The following TENM4 variants were observed in gnomAD, a reference collection of about 807,000 sequenced individuals.
TENM4 encodes teneurin-4.
In TENM4, 82 loss-of-function variants were observed where a neutral mutation model predicts 243.3. The observed-to-expected ratio is 0.34, with a 90% CI of 0.28 to 0.40. The LOEUF is 0.40. Among genes scored for constraint, TENM4 ranks in the 10% least tolerant of loss-of-function variants. The probability of loss-of-function intolerance (pLI) is 1.00; values close to 1 mark genes in which losing one functional copy is unlikely to be tolerated. For missense variants in TENM4, 3,138 were observed against 3,673.3 expected, an observed-to-expected ratio of 0.85 and a Z score of 3.77; for synonymous variants, 1,412 against 1,456.3, an observed-to-expected ratio of 0.97 and a Z score of 0.69.
chr11:78,738,943 A>G (rs1364328972), intron 19 of TENM4, among the ~76,000 whole-genome samples: 1 of 151,428 alleles, frequency 6.6e-6, no homozygotes, highest in Non-Finnish European at 1.5e-5. Context: ...GCCACTTCCT[A>G]GCTCTCTGAA....
intron 1 of TENM4, among the ~76,000 whole-genome samples, chr11:79,309,078 C>A (rs994149410): frequency 6.6e-6 from 1 of 152,012 alleles, no homozygotes; most frequent in Admixed American, 6.5e-5. Context: ...AGAACTCATG[C>A]CCTTCTGAAA....
intron 1 of TENM4, among the ~76,000 whole-genome samples, chr11:79,304,348 A>G (rs1856593718): frequency 6.6e-6 from 1 of 152,166 alleles, no homozygotes; most frequent in Admixed American, 6.5e-5. Flanking sequence ...TCTACTCTTG[A>G]GGTGCGAAAG....
intron 4 of TENM4, among the ~76,000 whole-genome samples, chr11:79,103,376 G>C (rs941192131): frequency 2.6e-5 from 4 of 152,210 alleles, no homozygotes; most frequent in African/African-American, 9.7e-5. Flanking sequence ...AGGATGACCA[G>C]GGCCATGTTG....
Position 78,771,599 on chromosome 11 carries a change from G to C in TENM4, c.2393-461C>G, listed in dbSNP as rs77986727. Reference sequence around the variant, plus strand: ...TCCTTGCTTCCTTCATCACTTCTGGGTATCATTCTAAAGGGTGTTACTTTT... The same window carrying C: ...TCCTTGCTTCCTTCATCACTTCTGGCTATCATTCTAAAGGGTGTTACTTTT... On this transcript the variant is annotated intron_variant, in intron 17 of 33. Coordinates refer to ENST00000278550, the MANE Select transcript of TENM4 (RefSeq NM_001098816.3). Among the ~76,000 whole-genome samples, 722 of 152,300 alleles carry C rather than the reference G, an allele frequency of 4.7e-3. 4 individuals are homozygous for C. Among genetic ancestry groups the C allele is most frequent in the Admixed American group, 7.4e-3 (113 of 15,294 alleles).
intron 6 of TENM4, among the ~76,000 whole-genome samples, chr11:79,055,426 G>C (rs1859918100): frequency 6.6e-6 from 1 of 152,046 alleles, no homozygotes; most frequent in Non-Finnish European, 1.5e-5. Context: ...ATTTTTAGTA[G>C]AGTAGGGGTT....
At chr11:78,676,099 C>A in intron 30 of TENM4, 53 bp downstream of exon 30, 1 of 1,412,882 alleles carries the variant, frequency 7.1e-7, no homozygotes, top group South Asian at 1.5e-5. Context: ...CCCGTTCTCC[C>A]GTTCCCCATT....
intron 32 of TENM4, among the ~76,000 whole-genome samples, chr11:78,665,086 T>C (rs939927316): frequency 6.6e-6 from 1 of 152,322 alleles, no homozygotes; most frequent in African/African-American, 2.4e-5. Context: ...TCCCAGAGTT[T>C]GGTGTTGTCA....
intron 12 of TENM4, among the ~76,000 whole-genome samples, chr11:78,837,996 T>C (rs1187791163): frequency 6.6e-6 from 1 of 152,198 alleles, no homozygotes; most frequent in Non-Finnish European, 1.5e-5. Context: ...TAATACAAAA[T>C]GCCAAATTGC....
At chr11:79,181,923 A>G (rs561269) in intron 3 of TENM4, among the ~76,000 whole-genome samples, 1 of 148,074 alleles carries the variant, frequency 6.8e-6, no homozygotes, top group Non-Finnish European at 1.5e-5. Flanking sequence ...GAGGAAAACC[A>G]AAAAATTCTG....
intron 6 of TENM4, among the ~76,000 whole-genome samples, chr11:79,017,611 T>C (rs1858813881): frequency 6.6e-6 from 1 of 152,178 alleles, no homozygotes; most frequent in African/African-American, 2.4e-5. Context: ...ACTAATACTT[T>C]GTAACTACAT....
chr11:79,405,899 T>G (rs1009360836), intron 1 of TENM4, among the ~76,000 whole-genome samples: 9 of 148,736 alleles, frequency 6.1e-5, no homozygotes, highest in Non-Finnish European at 1.2e-4. Flanking sequence ...TGCTCTTAAC[T>G]GCATGTCCTT....
intron 29 of TENM4, among the ~76,000 whole-genome samples, chr11:78,684,668 A>C (rs74732407): frequency 0.029 from 4,341 of 152,254 alleles, 213 homozygotes; most frequent in African/African-American, 0.099. Context: ...CCTGGGTCCA[A>C]ACACCCAATT....
chr11:78,881,591 A>C (rs949643860), intron 9 of TENM4, among the ~76,000 whole-genome samples: 2 of 152,070 alleles, frequency 1.3e-5, no homozygotes, highest in Non-Finnish European at 1.5e-5. Context: ...TCCTTGACAC[A>C]CTGCCCTCAC....
chr11:79,376,497 G>A (rs876196), intron 1 of TENM4, among the ~76,000 whole-genome samples: 28,196 of 152,144 alleles, frequency 0.19, 2,805 homozygotes, highest in Middle Eastern at 0.26. Flanking sequence ...GCCTGCTACT[G>A]GAAGACTTCC....
At chr11:79,141,319 A>G (rs1374441344) in intron 4 of TENM4, among the ~76,000 whole-genome samples, 2 of 152,132 alleles carry the variant, frequency 1.3e-5, no homozygotes, top group Non-Finnish European at 2.9e-5. Context: ...ATTACAACTG[A>G]CACTGCATAA....
chr11:79,292,104 G>T (rs1590856578), intron 2 of TENM4, among the ~76,000 whole-genome samples: 1 of 152,124 alleles, frequency 6.6e-6, no homozygotes, highest in African/African-American at 2.4e-5. Flanking sequence ...GTCACAAGGG[G>T]TCAATTATCT....
chr11:78,816,540 C>G (rs866572270), intron 12 of TENM4, among the ~76,000 whole-genome samples: 9 of 152,202 alleles, frequency 5.9e-5, no homozygotes, highest in Admixed American at 4.6e-4. Flanking sequence ...ATAGAGAATT[C>G]TATAACTTTC....
At chr11:79,402,683 G>A (rs1858486989) in intron 1 of TENM4, among the ~76,000 whole-genome samples, 1 of 152,078 alleles carries the variant, frequency 6.6e-6, no homozygotes, top group Admixed American at 6.5e-5. Context: ...CCTCTCCTCT[G>A]CAGCCATTTC....
At chr11:78,882,375 A>ATGC (rs1466390683) in intron 9 of TENM4, among the ~76,000 whole-genome samples, 1 of 152,222 alleles carries the variant, frequency 6.6e-6, no homozygotes, top group Non-Finnish European at 1.5e-5. Flanking sequence ...GCTTTTGCCC[A>ATGC]TGCTGCTCTT....
Sources: allele counts gnomAD v4.1 joint callset (sites outside exome capture counted in the v4.1 genomes callset), GRCh38; gene constraint gnomAD v4.1.1; transcripts MANE v1.5; gene names NCBI Gene and HGNC (gene_info 2026-07-23, HGNC 2026-07-21).